BNC2: variants seen among roughly 807,000 people sequenced by gnomAD.
BNC2 encodes the protein basonuclin zinc finger protein 2.
Under a neutral mutation model 76.3 loss-of-function variants are expected in BNC2, and 20 were observed. The observed-to-expected ratio is 0.26, with a 90% CI of 0.18 to 0.38. The LOEUF is 0.38. BNC2 is among the 10% of genes least tolerant of loss of function. The pLI is 1.00. For missense variants in BNC2, 1,382 were observed against 1,399.8 expected (o/e 0.99, Z 0.20); for synonymous variants, 582 against 514.8 (o/e 1.13, Z -1.77).
At chr9:16,831,860 T>A (rs1347126056) in intron 1 of BNC2, among the ~76,000 whole-genome samples, 1 of 152,190 alleles carries the variant, frequency 6.6e-6, no homozygotes, top group East Asian at 1.9e-4. Flanking sequence ...TCTGTTTTAC[T>A]CCACTGAGCA....
At chr9:16,727,646 AAC>A in intron 3 of BNC2, 149 bp downstream of exon 3, 1 of 679,774 alleles carries the variant, frequency 1.5e-6, no homozygotes, top group Non-Finnish European at 2.5e-6. Context: ...ACATTCCAGT[AAC>A]ACAGTTATGA....
At chr9:16,554,998 CATT>C (rs1230888649) in intron 4 of BNC2, among the ~76,000 whole-genome samples, 1 of 152,080 alleles carries the variant, frequency 6.6e-6, no homozygotes, top group African/African-American at 2.4e-5. Context: ...CCCTCCCACT[CATT>C]AAAAAAGGTT....
intron 5 of BNC2, among the ~76,000 whole-genome samples, chr9:16,526,517 G>A (rs535707368): frequency 4.5e-5 from 5 of 111,864 alleles, no homozygotes; most frequent in Non-Finnish European, 8.2e-5. Context: ...CCTTACTCTC[G>A]GCCATTTCCT....
intron 3 of BNC2, among the ~76,000 whole-genome samples, chr9:16,662,331 C>T (rs1228000119): frequency 1.3e-5 from 2 of 152,214 alleles, no homozygotes; most frequent in African/African-American, 4.8e-5. Context: ...ACACTAATTA[C>T]ACCACATCGC....
At chr9:16,448,681 G>A (rs1042977621) in intron 5 of BNC2, among the ~76,000 whole-genome samples, 2 of 152,178 alleles carry the variant, frequency 1.3e-5, no homozygotes, top group African/African-American at 4.8e-5. Flanking sequence ...TGAGGACTGA[G>A]TGTGTGACTG....
chr9:16,432,218 T>G (rs1416218898), intron 6 of BNC2, among the ~76,000 whole-genome samples: 1 of 152,208 alleles, frequency 6.6e-6, no homozygotes, highest in African/African-American at 2.4e-5. Flanking sequence ...TAGAAAAGAA[T>G]AGCTTTGACA....
chr9:16,517,768 C>A (rs1004365426), intron 5 of BNC2, among the ~76,000 whole-genome samples: 7 of 152,068 alleles, frequency 4.6e-5, no homozygotes, highest in African/African-American at 1.7e-4. Context: ...TTTATATAAA[C>A]ACAGTAAATT....
chr9:16,586,754 A>C (rs1173264637), intron 3 of BNC2, among the ~76,000 whole-genome samples: 1 of 152,130 alleles, frequency 6.6e-6, no homozygotes, highest in Non-Finnish European at 1.5e-5. Flanking sequence ...ACTGCCTCTT[A>C]AGTGGTGGGA....
intron 5 of BNC2, among the ~76,000 whole-genome samples, chr9:16,533,245 T>C (rs1818034459): frequency 6.6e-6 from 1 of 152,178 alleles, no homozygotes; most frequent in Non-Finnish European, 1.5e-5. Context: ...AAATATATGG[T>C]TTGTGTCTTG....
chr9:16,853,288 T>C (rs961099753), intron 1 of BNC2, among the ~76,000 whole-genome samples: 2 of 36,932 alleles, frequency 5.4e-5, no homozygotes, highest in East Asian at 0.062. Flanking sequence ...CATGCAGCTG[T>C]AGGCCCAGTT....
At chr9:16,665,172 C>A (rs1400766968) in intron 3 of BNC2, 1 of 414,746 alleles carries the variant, frequency 2.4e-6, no homozygotes, top group Non-Finnish European at 4.7e-6. Context: ...AGTTTGAGAC[C>A]AGCCTGAAAA....
chr9:16,583,698 T>C (rs1819689316), intron 3 of BNC2, among the ~76,000 whole-genome samples: 1 of 152,170 alleles, frequency 6.6e-6, no homozygotes, highest in South Asian at 2.1e-4. Context: ...GTTCCTGTTT[T>C]GAAAAATAAA....
intron 6 of BNC2, among the ~76,000 whole-genome samples, chr9:16,425,569 A>C (rs565489448): frequency 1.3e-5 from 2 of 152,192 alleles, no homozygotes; most frequent in African/African-American, 4.8e-5. Flanking sequence ...CTTCCGATCT[A>C]ACTTTGACGT....
At chr9:16,642,980 CTTAA>C (rs1821529472) in intron 3 of BNC2, among the ~76,000 whole-genome samples, 1 of 152,028 alleles carries the variant, frequency 6.6e-6, no homozygotes, top group African/African-American at 2.4e-5. Context: ...TATGAGTATA[CTTAA>C]TTAAGAAAGT....
rs533467663 is a variant in BNC2, at chr9:16,739,843, A to G, written c.4-1358T>C. ...GTTCTAATAGTCTGAGCACAGGAAA[A>G]TGGTAGCATTATCAACAGAAAGGGG... On this transcript the variant is annotated intron_variant, in intron 1 of 6. Transcript: ENST00000380672. 7.6e-4 allele frequency among the ~76,000 whole-genome samples: 116 copies of G among 152,236 alleles called. 1 individual carries two copies. Among genetic ancestry groups the G allele is most frequent in the Non-Finnish European group, 1.3e-3 (88 of 68,042 alleles).
intron 1 of BNC2, among the ~76,000 whole-genome samples, chr9:16,845,629 G>A (rs938175276): frequency 6.6e-6 from 1 of 152,162 alleles, no homozygotes. Flanking sequence ...GCCGAGGCAG[G>A]AGAATGGCGT....
chr9:16,596,069 G>C (rs1820061180), intron 3 of BNC2, among the ~76,000 whole-genome samples: 2 of 151,982 alleles, frequency 1.3e-5, no homozygotes, highest in Non-Finnish European at 2.9e-5. Context: ...ACTATAAATG[G>C]CTCGTAAGAA....
chr9:16,730,063 T>C (rs1824462938), intron 2 of BNC2, among the ~76,000 whole-genome samples: 1 of 151,712 alleles, frequency 6.6e-6, no homozygotes, highest in Non-Finnish European at 1.5e-5. Flanking sequence ...TTTTTCTCAG[T>C]CCTGCAGTCC....
chr9:16,485,817 A>C (rs1316013312), intron 5 of BNC2, among the ~76,000 whole-genome samples: 1 of 152,152 alleles, frequency 6.6e-6, no homozygotes, highest in Non-Finnish European at 1.5e-5. Flanking sequence ...TCAAAAAGAA[A>C]AGAGAAAAAG....
Sources: gnomAD v4.1 joint callset for allele counts (sites outside exome capture counted in the v4.1 genomes callset) on GRCh38, gnomAD v4.1.1 for gene constraint, MANE v1.5 for transcripts, NCBI Gene and HGNC (gene_info 2026-07-23, HGNC 2026-07-21) for gene names.